Variants in HSD17B3 observed in about 807,000 individuals in gnomAD.
HSD17B3 encodes 17-beta-hydroxysteroid dehydrogenase type 3.
HSD17B3 carries 29 observed loss-of-function variants against 41.1 expected under a neutral mutation model. The observed-to-expected ratio is 0.71, with a 90% CI of 0.53 to 0.96. The LOEUF (loss-of-function observed/expected upper bound fraction) is 0.96, where lower values mean the gene tolerates loss of function less well. HSD17B3 is among the 40% of genes least tolerant of loss of function. HSD17B3 has a pLI of 0.00. For synonymous variants in HSD17B3, 126 were observed against 145.6 expected (o/e 0.87, Z 0.97); for missense variants, 323 against 374.6 (o/e 0.86, Z 1.14).
At chr9:96,268,701 C>A (rs551660787) in intron 2 of HSD17B3, among the ~76,000 whole-genome samples, 4 of 152,174 alleles carry the variant, frequency 2.6e-5, no homozygotes, top group Non-Finnish European at 2.9e-5. Context: ...GTAATACCAG[C>A]ACTTTGGGAA....
chr9:96,239,386 G>A (rs1302960103), intron 10 of HSD17B3: 2 of 152,176 alleles, frequency 1.3e-5, no homozygotes, highest in African/African-American at 2.4e-5. Context: ...TTGGACATTC[G>A]ATGAATTTTC....
intron 10 of HSD17B3, 114 bp from the exon 11 acceptor site, chr9:96,235,684 C>G (rs542805967): frequency 1.2e-6 from 1 of 846,386 alleles, no homozygotes; most frequent in African/African-American, 1.7e-5. Flanking sequence ...GCCCCAGAAC[C>G]TTTTATGTAA....
At chr9:96,241,984 A>G (rs1449143766) in intron 9 of HSD17B3, among the ~76,000 whole-genome samples, 2 of 149,444 alleles carry the variant, frequency 1.3e-5, no homozygotes, top group Non-Finnish European at 3.0e-5. Flanking sequence ...AAAGAAAGAA[A>G]GAAAGAAAGA....
chr9:96,290,517 T>C (rs12005851), intron 2 of HSD17B3, among the ~76,000 whole-genome samples: 4,063 of 143,348 alleles, frequency 0.028, 125 homozygotes, highest in African/African-American at 0.071. Context: ...ACTGGCAGTT[T>C]AGAAATGCCA....
intron 2 of HSD17B3, among the ~76,000 whole-genome samples, chr9:96,265,470 T>C (rs1324526173): frequency 6.6e-6 from 1 of 152,214 alleles, no homozygotes; most frequent in African/African-American, 2.4e-5. Context: ...TTTGGCTAAA[T>C]GGCCACAACA....
chr9:96,241,961 A>AAAGGAAAGAAAG (rs1836458611), intron 9 of HSD17B3, among the ~76,000 whole-genome samples: 1 of 100,696 alleles, frequency 9.9e-6, no homozygotes, highest in African/African-American at 4.2e-5. Flanking sequence ...AAAGAACAGA[A>AAAGGAAAGAAAG]AAAGAAAGAA....
chr9:96,260,585 C>T (rs1348020737), intron 2 of HSD17B3, among the ~76,000 whole-genome samples: 2 of 152,108 alleles, frequency 1.3e-5, no homozygotes, highest in East Asian at 1.9e-4. Flanking sequence ...CATGGTGAAA[C>T]GCCATCTCTA....
intron 10 of HSD17B3, among the ~76,000 whole-genome samples, chr9:96,236,615 A>G (rs766016480): frequency 5.3e-5 from 8 of 152,168 alleles, no homozygotes; most frequent in Non-Finnish European, 8.8e-5. Flanking sequence ...TCCAAGGCAT[A>G]GTGGGCGCTA....
chr9:96,251,298 G>T (rs2130727313), intron 5 of HSD17B3, 120 bp downstream of exon 5: 2 of 802,170 alleles, frequency 2.5e-6, no homozygotes, highest in East Asian at 5.1e-5. Flanking sequence ...AATACATACA[G>T]TCCAGGATTT....
intron 5 of HSD17B3, among the ~76,000 whole-genome samples, chr9:96,250,748 C>T (rs148287336): frequency 1.3e-5 from 2 of 151,998 alleles, no homozygotes; most frequent in South Asian, 2.1e-4. Flanking sequence ...ATTAGCTGGG[C>T]GTGGTGGCAG....
At chr9:96,288,473 C>T (rs1365992799) in intron 2 of HSD17B3, among the ~76,000 whole-genome samples, 2 of 152,076 alleles carry the variant, frequency 1.3e-5, no homozygotes, top group Non-Finnish European at 2.9e-5. Context: ...AGTGAGGTTT[C>T]ACTCCATTAA....
At chr9:96,299,023 G>C (rs187461744) in intron 1 of HSD17B3, among the ~76,000 whole-genome samples, 1 of 152,256 alleles carries the variant, frequency 6.6e-6, no homozygotes, top group Non-Finnish European at 1.5e-5. Flanking sequence ...GCAGTGAAAT[G>C]AAGAAACCTG....
intron 6 of HSD17B3, 66 bp downstream of exon 6, chr9:96,249,685 C>A (rs1587724704): frequency 2.1e-6 from 3 of 1,453,630 alleles, no homozygotes; most frequent in East Asian, 2.3e-5. Context: ...GGGCACAATT[C>A]TCCTGAGTTG....
At chr9:96,292,643 G>A (rs761206249) in intron 2 of HSD17B3, among the ~76,000 whole-genome samples, 17 of 152,106 alleles carry the variant, frequency 1.1e-4, no homozygotes, top group Non-Finnish European at 1.9e-4. Flanking sequence ...CCACCACACC[G>A]GGCCCAAATT....
intron 2 of HSD17B3, among the ~76,000 whole-genome samples, chr9:96,290,457 T>C (rs113838802): frequency 0.037 from 89 of 2,430 alleles, no homozygotes; most frequent in Non-Finnish European, 0.04. Flanking sequence ...TTTCCTGGGC[T>C]TTTTTTTTTT....
At chr9:96,244,456 C>G in intron 8 of HSD17B3, 62 bp from the exon 9 acceptor site, 1 of 1,494,896 alleles carries the variant, frequency 6.7e-7, no homozygotes, top group African/African-American at 1.4e-5. Flanking sequence ...GAGCCAACTT[C>G]CTCTGACTTC....
chr9:96,252,134 A>G (rs948840998), intron 4 of HSD17B3, among the ~76,000 whole-genome samples: 5 of 152,236 alleles, frequency 3.3e-5, no homozygotes, highest in African/African-American at 1.2e-4. Flanking sequence ...TCATGGATCA[A>G]TCACAGCAAT....
intron 7 of HSD17B3, among the ~76,000 whole-genome samples, chr9:96,245,899 C>G (rs1008304330): frequency 3.3e-5 from 5 of 152,206 alleles, no homozygotes; most frequent in Non-Finnish European, 7.3e-5. Flanking sequence ...CCTGCTCACA[C>G]AGATACCCTA....
chr9:96,293,651 CTGTGTGTGTA>C (rs1276539820), intron 2 of HSD17B3, among the ~76,000 whole-genome samples: 4 of 149,952 alleles, frequency 2.7e-5, no homozygotes, highest in Admixed American at 6.6e-5. Flanking sequence ...GTCTGTGTGT[CTGTGTGTGTA>C]TGTGTGTGTG....
Sources: allele counts gnomAD v4.1 joint callset (sites outside exome capture counted in the v4.1 genomes callset), GRCh38; gene constraint gnomAD v4.1.1; transcripts MANE v1.5; gene names NCBI Gene and HGNC (gene_info 2026-07-23, HGNC 2026-07-21).